VSIR: variants seen among roughly 807,000 people sequenced by gnomAD.
VSIR encodes V-type immunoglobulin domain-containing suppressor of T-cell activation.
In VSIR, 10 loss-of-function variants were observed where a neutral mutation model predicts 31.0. That is an observed-to-expected ratio of 0.32 (90% CI 0.20 to 0.55). The LOEUF is 0.55. Among genes scored for constraint, VSIR ranks in the 20% least tolerant of loss-of-function variants. The pLI is 0.93. For synonymous variants in VSIR, 179 were observed against 180.1 expected (o/e 0.99, Z 0.05); for missense variants, 356 against 416.2 (o/e 0.86, Z 1.26).
chr10:71,759,920 T>C lies in VSIR; in HGVS notation c.568+948A>G, dbSNP rs1339530133. On this transcript the variant is annotated intron_variant, in intron 3 of 6. Transcript: ENST00000394957. ...ACACATATATACACACACACATATA[T>C]ACACACACACATATATACACACACA... Among the ~76,000 whole-genome samples the C allele has an allele frequency of 3.0e-3, 200 of 66,132 alleles. 11 individuals are homozygous for C. Among genetic ancestry groups the C allele is most frequent in the Non-Finnish European group, 4.1e-3 (112 of 27,492 alleles). The allele number at this position is 66,132 out of a possible 152,430, so 43.4% of individuals were successfully genotyped here. A position where few individuals can be genotyped will look rare whatever the true frequency, so the allele number is the denominator to read the frequency against.
chr10:71,755,617 T>C, intron 3 of VSIR, 151 bp from the exon 4 acceptor site: 2 of 727,286 alleles, frequency 2.7e-6, no homozygotes, highest in Non-Finnish European at 4.6e-6. Context: ...TACAGAGGCA[T>C]GGAAGATAAG....
intron 1 of VSIR, among the ~76,000 whole-genome samples, chr10:71,765,089 C>T (rs1275600501): frequency 6.6e-6 from 1 of 152,192 alleles, no homozygotes; most frequent in African/African-American, 2.4e-5. Flanking sequence ...AAAGGGCTCT[C>T]CCACGTACTC....
intron 1 of VSIR, among the ~76,000 whole-genome samples, chr10:71,765,308 C>A (rs1250077380): frequency 2.6e-5 from 4 of 152,246 alleles, no homozygotes; most frequent in African/African-American, 4.8e-5. Flanking sequence ...AGCACACATA[C>A]CTTGGGGGCT....
Position 71,751,701 on chromosome 10 carries a change from G to A in VSIR, c.865C>T (p.Pro289Ser), listed in dbSNP as rs1319770717. 6.4e-7 allele frequency: 1 copy of A among 1,555,000 alleles called. No homozygotes were observed. The highest frequency in any genetic ancestry group is 8.7e-7 in the Non-Finnish European group (1 of 1,153,906). ...GGGAAGAAGACGTCTCCGGGGCCTG[G>A]AGGAGACAGGGGGGTGCTGGGCTCC... is the stretch of plus-strand genomic sequence containing the variant. ...LSEPSTPLSP[P>S]GPGDVFFPSL... The change falls in exon 6 of 7, where the codon CCA becomes TCA. Residue 289 changes from proline (P) to serine (S), a missense_variant. Physicochemically the swap from Pro to Ser is moderately conservative, Grantham distance 74. Coordinates refer to ENST00000394957, the MANE Select transcript of VSIR (RefSeq NM_022153.2). The surrounding 1 kb of genome is among the most constrained non-coding windows in gnomAD (Gnocchi z 4.9).
chr10:71,771,265 C>A (rs951946608), intron 1 of VSIR, among the ~76,000 whole-genome samples: 3 of 152,184 alleles, frequency 2.0e-5, no homozygotes, highest in African/African-American at 7.2e-5. Flanking sequence ...CTGAGTCAGG[C>A]CCAGGAAAGG....
rs561584915 is a variant in VSIR, at chr10:71,747,984, G to C, written c.*3269C>G. ...TGGGCTGGGCCTCATGCTCAGCTGGGCTGTGGCTGGGCTTCAAGAGGCCTT... is the reference window on the plus strand; with the variant it reads ...TGGGCTGGGCCTCATGCTCAGCTGGCCTGTGGCTGGGCTTCAAGAGGCCTT... On this transcript the variant is annotated 3_prime_UTR_variant, in exon 7 of 7. Transcript: ENST00000394957. 1 of 152,402 alleles carries C rather than the reference G, an allele frequency of 6.6e-6. No individual in the cohort carries two copies. Among genetic ancestry groups the C allele is most frequent in the South Asian group, 2.1e-4 (1 of 4,828 alleles). 9.4% of individuals were successfully genotyped at this position (152,402 alleles called of 1,614,324 possible).
rs780960987 is a variant in VSIR, at chr10:71,755,483, G to T, written c.569-17C>A. 4 of 1,599,086 alleles carry T rather than the reference G, an allele frequency of 2.5e-6. No individual in the cohort carries two copies. Among genetic ancestry groups the T allele is most frequent in the Non-Finnish European group, 2.6e-6 (3 of 1,172,018 alleles). On this transcript the variant is annotated splice_polypyrimidine_tract_variant and intron_variant, in intron 3 of 6. Coordinates refer to ENST00000394957, the MANE Select transcript of VSIR (RefSeq NM_022153.2). ...CCGTGATGTCTGAAAGGGCAGAGAG[G>T]TAGCCAAGGTGAAGCCCCATTCCCA... is the stretch of plus-strand genomic sequence containing the variant.
chr10:71,752,890 A>G, intron 5 of VSIR, 85 bp downstream of exon 5: 2 of 1,493,706 alleles, frequency 1.3e-6, no homozygotes, highest in East Asian at 2.3e-5. Context: ...CTAGGCAGCT[A>G]AACAGGGCCC....
chr10:71,765,883 C>T (rs1407435506), intron 1 of VSIR, among the ~76,000 whole-genome samples: 1 of 152,110 alleles, frequency 6.6e-6, no homozygotes, highest in Non-Finnish European at 1.5e-5. Flanking sequence ...GCCAGAGGGA[C>T]AGGACAAACC....
Position 71,750,143 on chromosome 10 carries a change from A to G in VSIR, c.*1110T>C, listed in dbSNP as rs1051403475. 6.6e-6 allele frequency: 1 copy of G among 152,136 alleles called. No homozygotes were observed. The highest frequency in any genetic ancestry group is 1.9e-4 in the East Asian group (1 of 5,168). 9.4% of individuals were successfully genotyped at this position (152,136 alleles called of 1,614,324 possible). A position where few individuals can be genotyped will look rare whatever the true frequency, so the allele number is the denominator to read the frequency against. On this transcript the variant is annotated 3_prime_UTR_variant, in exon 7 of 7. Transcript: ENST00000394957. ...TCACCTTGCCTATGTGTATAAAAAC[A>G]AAGCCAGGGCATGCCCACAAGCAGG...
intron 1 of VSIR, among the ~76,000 whole-genome samples, chr10:71,764,329 G>C (rs780807899): frequency 6.6e-6 from 1 of 151,990 alleles, no homozygotes; most frequent in Non-Finnish European, 1.5e-5. Context: ...GAGAACTTAC[G>C]TAACTCACTG....
At chr10:71,763,555 G>T in intron 1 of VSIR, among the ~76,000 whole-genome samples, 1 of 152,218 alleles carries the variant, frequency 6.6e-6, no homozygotes, top group East Asian at 1.9e-4. Flanking sequence ...CAGCCAGGAG[G>T]GAGGCAGCCT....
intron 1 of VSIR, among the ~76,000 whole-genome samples, chr10:71,763,883 TAAC>T (rs1284086902): frequency 1.3e-4 from 20 of 152,310 alleles, no homozygotes; most frequent in Admixed American, 1.2e-3. Flanking sequence ...GAATGACTGA[TAAC>T]AACTTGTGAT....
intron 1 of VSIR, 107 bp from the exon 2 acceptor site, chr10:71,762,133 AG>A (rs1340098772): frequency 2.3e-6 from 3 of 1,312,918 alleles, no homozygotes; most frequent in Non-Finnish European, 3.1e-6. Flanking sequence ...GCCACAGGCC[AG>A]GGGCATGTCA....
At chr10:71,754,989 C>T in intron 4 of VSIR, 1 of 432,898 alleles carries the variant, frequency 2.3e-6, no homozygotes, top group South Asian at 1.6e-5. Context: ...ACAATTGCTA[C>T]TAATTACAAA....
intron 1 of VSIR, among the ~76,000 whole-genome samples, chr10:71,764,113 G>A (rs1319877953): frequency 6.6e-5 from 10 of 152,222 alleles, no homozygotes; most frequent in African/African-American, 2.2e-4. Flanking sequence ...AGGGAAAGTG[G>A]TTGGACTGAA....
At position 71,749,877 on chromosome 10, in the gene VSIR, C is replaced by T. The variant is rs1009926400; in HGVS notation, c.*1376G>A. The T allele has an allele frequency of 6.6e-6, 1 of 152,328 alleles. No individual in the cohort carries two copies. The highest frequency in any genetic ancestry group is 6.5e-5 in the Admixed American group (1 of 15,288). 9.4% of individuals were successfully genotyped at this position (152,328 alleles called of 1,614,324 possible). A position where few individuals can be genotyped will look rare whatever the true frequency, so the allele number is the denominator to read the frequency against. ...GCCCCAAATCCTGGCTTTCAGCACC[C>T]AGGCCCAGCTCAGCAGAGCCAGTGT... is the stretch of plus-strand genomic sequence containing the variant. On this transcript the variant is annotated 3_prime_UTR_variant, in exon 7 of 7. Transcript: ENST00000394957.
intron 1 of VSIR, among the ~76,000 whole-genome samples, chr10:71,767,532 C>T (rs983011190): frequency 1.1e-4 from 17 of 152,342 alleles, no homozygotes; most frequent in African/African-American, 3.8e-4. Flanking sequence ...TCCAGCTCCC[C>T]GCCAGGCCCC....
Position 71,753,897 on chromosome 10 carries a change from A to G in VSIR, c.677-895T>C, listed in dbSNP as rs142631369. Reference sequence around the variant, plus strand: ...TGGGTCAGGCTTCGTGCAGGTGCACACGGGTATTCCCTCATCTCATCCTCT... The same window carrying G: ...TGGGTCAGGCTTCGTGCAGGTGCACGCGGGTATTCCCTCATCTCATCCTCT... On this transcript the variant is annotated intron_variant, in intron 4 of 6. Coordinates refer to ENST00000394957, the MANE Select transcript of VSIR (RefSeq NM_022153.2). The G allele has an allele frequency of 6.1e-5, 28 of 456,358 alleles. 1 individual carries two copies. The highest frequency in any genetic ancestry group is 5.4e-4 in the African/African-American group (27 of 50,196). The allele number at this position is 456,358 out of a possible 1,614,324, so 28.3% of individuals were successfully genotyped here.
Sources: allele counts gnomAD v4.1 joint callset (sites outside exome capture counted in the v4.1 genomes callset), GRCh38; gene constraint gnomAD v4.1.1; non-coding constraint Gnocchi (gnomAD v3.1); transcripts MANE v1.5; gene names NCBI Gene and HGNC (gene_info 2026-07-23, HGNC 2026-07-21).